DYNC1LI1: variants seen among roughly 807,000 people sequenced by gnomAD.
DYNC1LI1 encodes the protein dynein cytoplasmic 1 light intermediate chain 1, also known as cytoplasmic dynein 1 light intermediate chain 1.
DYNC1LI1 carries 19 observed loss-of-function variants against 63.8 expected under a neutral mutation model. The ratio of observed to expected loss-of-function variants is 0.30; its 90% CI spans 0.21 to 0.44. The LOEUF (loss-of-function observed/expected upper bound fraction) is 0.44. DYNC1LI1 is among the 20% of genes least tolerant of loss of function. The probability of loss-of-function intolerance (pLI) is 1.00; values close to 1 mark genes in which losing one functional copy is unlikely to be tolerated. For synonymous variants in DYNC1LI1, 225 were observed against 232.3 expected (o/e 0.97, Z 0.28); for missense variants, 565 against 630.2 (o/e 0.90, Z 1.11).
chr3:32,541,166 GTCT>G lies in DYNC1LI1; in HGVS notation c.606_608del (p.Glu202del), dbSNP rs1258385359. 12 of 1,612,668 alleles carry G rather than the reference GTCT, an allele frequency of 7.4e-6. No homozygotes were observed. Among genetic ancestry groups the G allele is most frequent in the Admixed American group, 3.3e-5 (2 of 59,846 alleles). On this transcript the variant is annotated inframe_deletion, in exon 5 of 13. Transcript: ENST00000273130. ...TTCTTCTCTGGGGAGAAGCCGGGAA[GTCT>G]TCTCCTGGCTCTACATATTCTTGGA...
intron 2 of DYNC1LI1, among the ~76,000 whole-genome samples, chr3:32,556,277 C>T (rs1206698231): frequency 6.6e-6 from 1 of 152,190 alleles, no homozygotes; most frequent in Non-Finnish European, 1.5e-5. Context: ...CCTCTTTGTG[C>T]TCTCAATAGC....
At chr3:32,528,350 C>T in intron 12 of DYNC1LI1, 96 bp downstream of exon 12, 2 of 1,431,674 alleles carry the variant, frequency 1.4e-6, no homozygotes, top group East Asian at 2.4e-5. Flanking sequence ...GCAAAGATAC[C>T]AAAACCACAG....
chr3:32,546,045 A>C lies in DYNC1LI1; in HGVS notation c.221-80T>G, dbSNP rs1446104985. On this transcript the variant is annotated intron_variant, in intron 2 of 12. Transcript: ENST00000273130. Reference sequence around the variant, plus strand: ...GATGCTTTCTAGTACCAAGTGAAAAACCCAACTGGAACTAGCTTCAACCAA... The same window carrying C: ...GATGCTTTCTAGTACCAAGTGAAAACCCCAACTGGAACTAGCTTCAACCAA... The C allele has an allele frequency of 6.3e-6, 6 of 945,492 alleles. No individual in the cohort carries two copies. In the Admixed American group the frequency reaches 1.3e-4, roughly 21 times the overall value. 58.6% of individuals were successfully genotyped at this position (945,492 alleles called of 1,614,324 possible).
At chr3:32,550,609 G>A (rs1196135715) in intron 2 of DYNC1LI1, among the ~76,000 whole-genome samples, 1 of 152,086 alleles carries the variant, frequency 6.6e-6, no homozygotes, top group Non-Finnish European at 1.5e-5. Context: ...TCAATCATTC[G>A]TTTCACTGGA....
At chr3:32,546,007 C>A (rs1320676441) in intron 2 of DYNC1LI1, 42 bp from the exon 3 acceptor site, 6 of 1,350,518 alleles carry the variant, frequency 4.4e-6, no homozygotes, top group Non-Finnish European at 6.2e-6. Flanking sequence ...AATTATAACA[C>A]CGATTATTTA....
intron 2 of DYNC1LI1, among the ~76,000 whole-genome samples, chr3:32,560,754 A>G (rs923327465): frequency 2.6e-5 from 4 of 152,098 alleles, no homozygotes; most frequent in African/African-American, 9.7e-5. Context: ...CTGTAATCCC[A>G]GCACTTTGGG....
chr3:32,540,613 G>A (rs1374123815), intron 5 of DYNC1LI1, among the ~76,000 whole-genome samples: 1 of 151,316 alleles, frequency 6.6e-6, no homozygotes, highest in Non-Finnish European at 1.5e-5. Context: ...CCCGGGAAGC[G>A]GAGGTTGCAG....
intron 5 of DYNC1LI1, among the ~76,000 whole-genome samples, chr3:32,538,035 A>ATATATATATAATT: frequency 1.2e-4 from 1 of 8,244 alleles, no homozygotes; most frequent in Non-Finnish European, 1.6e-4. Flanking sequence ...TATATATATA[A>ATATATATATAATT]TATATATATA....
At chr3:32,562,149 G>C (rs1178481039) in intron 2 of DYNC1LI1, among the ~76,000 whole-genome samples, 1 of 152,088 alleles carries the variant, frequency 6.6e-6, no homozygotes, top group African/African-American at 2.4e-5. Context: ...TGTAGTCCCA[G>C]TTACTCAGGA....
At chr3:32,534,447 A>G (rs1697748017) in intron 7 of DYNC1LI1, 64 bp downstream of exon 7, 1 of 1,234,296 alleles carries the variant, frequency 8.1e-7, no homozygotes, top group African/African-American at 1.6e-5. Flanking sequence ...AACTGAAATA[A>G]TGATTCACCA....
In DYNC1LI1 at chr3:32,537,006, G is replaced by C; in HGVS notation, c.832+5C>G. On this transcript the variant is annotated splice_donor_5th_base_variant and intron_variant, in intron 6 of 12. Transcript: ENST00000273130. Reference sequence around the variant, plus strand: ...CTGAATCAATAAATGTATTTAAAAGGATACACTGTAAACAAAACTTCCGGA... The same window carrying C: ...CTGAATCAATAAATGTATTTAAAAGCATACACTGTAAACAAAACTTCCGGA... 2.0e-6 allele frequency: 3 copies of C among 1,498,946 alleles called. No homozygotes were observed. The highest frequency in any genetic ancestry group is 2.8e-6 in the Non-Finnish European group (3 of 1,088,578). 92.9% of individuals were successfully genotyped at this position (1,498,946 alleles called of 1,614,324 possible). A position where few individuals can be genotyped will look rare whatever the true frequency, so the allele number is the denominator to read the frequency against.
At chr3:32,566,155 C>G (rs549170524) in intron 2 of DYNC1LI1, among the ~76,000 whole-genome samples, 25 of 151,962 alleles carry the variant, frequency 1.6e-4, no homozygotes, top group Non-Finnish European at 2.9e-4. Context: ...ACCTGTAGTC[C>G]CAGCTACTTA....
At chr3:32,555,499 T>C (rs1250688285) in intron 2 of DYNC1LI1, among the ~76,000 whole-genome samples, 6 of 152,250 alleles carry the variant, frequency 3.9e-5, no homozygotes, top group Admixed American at 6.5e-5. Flanking sequence ...ATACACATCT[T>C]CCAATCATAT....
intron 4 of DYNC1LI1, among the ~76,000 whole-genome samples, chr3:32,542,223 A>G (rs1697891471): frequency 6.6e-6 from 1 of 152,080 alleles, no homozygotes; most frequent in African/African-American, 2.4e-5. Flanking sequence ...TTTCTGGCTC[A>G]ACCTCCCGAG....
intron 2 of DYNC1LI1, among the ~76,000 whole-genome samples, chr3:32,558,368 A>AT (rs555655403): frequency 9.7e-4 from 144 of 148,118 alleles, no homozygotes; most frequent in African/African-American, 3.3e-3. Context: ...TCTGTCACAC[A>AT]TTTTTTGTTT....
At chr3:32,535,174 A>G (rs540939302) in intron 6 of DYNC1LI1, among the ~76,000 whole-genome samples, 19 of 152,372 alleles carry the variant, frequency 1.2e-4, no homozygotes, top group African/African-American at 4.6e-4. Flanking sequence ...GGTACCAATT[A>G]GGAAGCTTTC....
chr3:32,534,852 CA>C (rs539898385), intron 6 of DYNC1LI1, among the ~76,000 whole-genome samples: 41 of 152,228 alleles, frequency 2.7e-4, no homozygotes, highest in Middle Eastern at 3.4e-3. Flanking sequence ...TTTACATAAT[CA>C]ATTTAACTTA....
intron 2 of DYNC1LI1, among the ~76,000 whole-genome samples, chr3:32,551,220 A>G (rs149820217): frequency 9.0e-4 from 137 of 152,314 alleles, no homozygotes; most frequent in African/African-American, 3.2e-3. Flanking sequence ...GCCTGGTTTT[A>G]CTTGGAAGTC....
intron 2 of DYNC1LI1, among the ~76,000 whole-genome samples, chr3:32,546,544 A>G (rs1279638532): frequency 6.6e-6 from 1 of 152,226 alleles, no homozygotes; most frequent in Non-Finnish European, 1.5e-5. Context: ...GGTAAAGTGA[A>G]ACACCTTAGG....
Sources: gnomAD v4.1 joint callset for allele counts (sites outside exome capture counted in the v4.1 genomes callset) on GRCh38, gnomAD v4.1.1 for gene constraint, MANE v1.5 for transcripts, NCBI Gene and HGNC (gene_info 2026-07-23, HGNC 2026-07-21) for gene names.